The following CYP2C19 variants were observed in gnomAD, a reference collection of about 807,000 sequenced individuals.
CYP2C19 encodes the protein cytochrome P450 2C19.
Under a neutral mutation model 40.9 loss-of-function variants are expected in CYP2C19, and 59 were observed. The observed-to-expected ratio is 1.44, with a 90% confidence interval of 1.17 to 1.79. The LOEUF (loss-of-function observed/expected upper bound fraction) is 1.79, where lower values mean the gene tolerates loss of function less well. CYP2C19 is among the 40% of genes most tolerant of loss of function. The probability of loss-of-function intolerance (pLI) is 0.00; values close to 1 mark genes in which losing one functional copy is unlikely to be tolerated. For synonymous variants in CYP2C19, 253 were observed against 208.7 expected (o/e 1.21, Z -1.83); for missense variants, 754 against 596.9 (o/e 1.26, Z -2.74).
At chr10:94,827,069 T>G (rs1440518096) in intron 6 of CYP2C19, among the ~76,000 whole-genome samples, 7 of 151,998 alleles carry the variant, frequency 4.6e-5, no homozygotes, top group Non-Finnish European at 1.0e-4. Context: ...TTTGCCAGTA[T>G]TTTATTGAGG....
At chr10:94,799,158 GT>G (rs1435955175) in intron 5 of CYP2C19, among the ~76,000 whole-genome samples, 2 of 151,844 alleles carry the variant, frequency 1.3e-5, no homozygotes, top group Non-Finnish European at 2.9e-5. Context: ...TCCTTTCCAT[GT>G]TTAGTGCTTC....
At chr10:94,815,941 G>A (rs1848995412) in intron 5 of CYP2C19, among the ~76,000 whole-genome samples, 1 of 152,108 alleles carries the variant, frequency 6.6e-6, no homozygotes, top group Non-Finnish European at 1.5e-5. Context: ...CTAATGATAT[G>A]GCCCTAATTT....
At chr10:94,795,726 G>A (rs1445402616) in intron 5 of CYP2C19, among the ~76,000 whole-genome samples, 1 of 152,078 alleles carries the variant, frequency 6.6e-6, no homozygotes, top group Non-Finnish European at 1.5e-5. Context: ...TCTCATTGTG[G>A]TTTTGATTTG....
intron 6 of CYP2C19, among the ~76,000 whole-genome samples, chr10:94,823,317 T>C (rs1223176749): frequency 6.6e-6 from 1 of 152,156 alleles, no homozygotes; most frequent in South Asian, 2.1e-4. Flanking sequence ...CTAGAGAAAC[T>C]GAGTTTAAGA....
chr10:94,772,841 G>A (rs929416874), intron 1 of CYP2C19, among the ~76,000 whole-genome samples: 19 of 152,198 alleles, frequency 1.2e-4, no homozygotes, highest in Admixed American at 2.6e-4. Context: ...GACTGCAGTG[G>A]CGCAACCTTG....
intron 5 of CYP2C19, among the ~76,000 whole-genome samples, chr10:94,782,266 T>G (rs866119794): frequency 1.3e-5 from 2 of 152,126 alleles, no homozygotes; most frequent in Non-Finnish European, 2.9e-5. Flanking sequence ...AGCTCTGTTC[T>G]GCAGCTTCCA....
At position 94,843,004 on chromosome 10, in the gene CYP2C19, A is replaced by G. The variant is rs1849519981; in HGVS notation, c.1129A>G (p.Arg377Gly). The G allele has an allele frequency of 2.5e-6, 4 of 1,614,100 alleles. No homozygotes were observed. Among genetic ancestry groups the G allele is most frequent in the Admixed American group, 1.7e-5 (1 of 60,012 alleles). ...TGCAGTGACCTGTGACGTTAAATTC[A>G]GAAACTACCTCATTCCCAAGGTAAG... The part of the protein sequence containing the change: ...PHAVTCDVKF[R>G]NYLIPKGTTI... Residue 377 changes from arginine to glycine, a missense_variant, in exon 7 of 9, where the codon AGA (arginine) becomes GGA (glycine). Arg to Gly is a moderately radical substitution (Grantham distance 125). Transcript: ENST00000371321.
At chr10:94,772,789 T>A (rs1039204114) in intron 1 of CYP2C19, among the ~76,000 whole-genome samples, 5 of 151,426 alleles carry the variant, frequency 3.3e-5, no homozygotes, top group Non-Finnish European at 1.5e-5. Context: ...TCACTTTTTG[T>A]TTTGAGACGG....
chr10:94,806,488 C>A (rs987361965), intron 5 of CYP2C19, among the ~76,000 whole-genome samples: 3 of 151,894 alleles, frequency 2.0e-5, no homozygotes, highest in Non-Finnish European at 4.4e-5. Flanking sequence ...TTTTTCTTAA[C>A]AGCTGCACCA....
chr10:94,776,229 CTA>C (rs1848407038), intron 3 of CYP2C19: 1 of 152,078 alleles, frequency 6.6e-6, no homozygotes, highest in African/African-American at 2.4e-5. Flanking sequence ...ACACAAATGT[CTA>C]TTTATAAAAT....
intron 6 of CYP2C19, among the ~76,000 whole-genome samples, chr10:94,834,252 G>A (rs1247490467): frequency 6.6e-6 from 1 of 152,076 alleles, no homozygotes; most frequent in Non-Finnish European, 1.5e-5. Context: ...CTAAGGATTT[G>A]TCCATTTCTT....
chr10:94,812,006 C>T (rs1014730620), intron 5 of CYP2C19, among the ~76,000 whole-genome samples: 1 of 152,144 alleles, frequency 6.6e-6, no homozygotes, highest in East Asian at 1.9e-4. Flanking sequence ...TTTGCAGTGG[C>T]TGTTCCCAGT....
intron 5 of CYP2C19, among the ~76,000 whole-genome samples, chr10:94,795,605 T>C (rs1848673013): frequency 6.6e-6 from 1 of 152,150 alleles, no homozygotes; most frequent in African/African-American, 2.4e-5. Context: ...GTTAAACTAG[T>C]TTACAGTCCC....
At chr10:94,822,798 G>C (rs191898405) in intron 6 of CYP2C19, among the ~76,000 whole-genome samples, 278 of 152,102 alleles carry the variant, frequency 1.8e-3, no homozygotes, top group Admixed American at 3.6e-3. Flanking sequence ...GTACCTCCTT[G>C]TGATTTTGAT....
At chr10:94,770,753 T>C (rs966811231) in intron 1 of CYP2C19, among the ~76,000 whole-genome samples, 2 of 152,158 alleles carry the variant, frequency 1.3e-5, no homozygotes, top group Admixed American at 6.5e-5. Flanking sequence ...GTGGACATCA[T>C]TGAATAATTC....
At chr10:94,782,623 G>A (rs1370190816) in intron 5 of CYP2C19, among the ~76,000 whole-genome samples, 1 of 152,084 alleles carries the variant, frequency 6.6e-6, no homozygotes, top group Admixed American at 6.5e-5. Context: ...TATATCCAAA[G>A]GATTATAAAT....
chr10:94,802,673 CAG>C (rs1848783129), intron 5 of CYP2C19, among the ~76,000 whole-genome samples: 1 of 152,066 alleles, frequency 6.6e-6, no homozygotes. Context: ...AGTTTCTTCA[CAG>C]AGTCAATGAT....
chr10:94,851,252 G>A (rs1018488551), intron 8 of CYP2C19, among the ~76,000 whole-genome samples: 2 of 147,104 alleles, frequency 1.4e-5, no homozygotes, highest in Non-Finnish European at 3.1e-5. Flanking sequence ...GAGAGAGAGA[G>A]CAAAGAGGAA....
intron 6 of CYP2C19, among the ~76,000 whole-genome samples, chr10:94,822,123 TG>T (rs1849133597): frequency 1.3e-5 from 2 of 152,312 alleles, no homozygotes; most frequent in South Asian, 2.1e-4. Flanking sequence ...ACATGATTTT[TG>T]TTCTTTTTTA....
Sources: gnomAD v4.1 joint callset for allele counts (sites outside exome capture counted in the v4.1 genomes callset) on GRCh38, gnomAD v4.1.1 for gene constraint, MANE v1.5 for transcripts, NCBI Gene and HGNC (gene_info 2026-07-23, HGNC 2026-07-21) for gene names.